The following LRP11 variants were observed in gnomAD, a reference collection of about 807,000 sequenced individuals.
The protein encoded by LRP11 is low-density lipoprotein receptor-related protein 11.
A neutral mutation model predicts 43.1 loss-of-function variants in LRP11; 25 were observed. The ratio of observed to expected loss-of-function variants is 0.58; its 90% confidence interval spans 0.42 to 0.81. LRP11 has a LOEUF of 0.81. Among genes scored for constraint, LRP11 ranks in the 30% least tolerant of loss-of-function variants. The pLI is 0.00. For synonymous variants in LRP11, 316 were observed against 299.4 expected, an observed-to-expected ratio of 1.06 and a Z score of -0.57; for missense variants, 623 against 665.1, an observed-to-expected ratio of 0.94 and a Z score of 0.70.
At chr6:149,858,244 G>A (rs62439706) in intron 1 of LRP11, among the ~76,000 whole-genome samples, 3,604 of 152,146 alleles carry the variant, frequency 0.024, 59 homozygotes, top group Non-Finnish European at 0.026. Flanking sequence ...GTTCTCCTCC[G>A]TGTCCGTGTG....
chr6:149,836,320 T>C lies in LRP11; in HGVS notation c.1040-23A>G, dbSNP rs544377294. 1.2e-5 allele frequency: 19 copies of C among 1,597,872 alleles called. No individual in the cohort carries two copies. The African/African-American group carries it at 2.3e-4, about 19-fold the overall frequency. On this transcript the variant is annotated intron_variant, in intron 4 of 6. Transcript: ENST00000239367. ...CCACTGAAGTGTGGAAGAGCTACTG[T>C]TAGTTGCTGGATTTCTTTTCTGAGC... is the stretch of plus-strand genomic sequence containing the variant.
intron 1 of LRP11, among the ~76,000 whole-genome samples, chr6:149,857,398 C>T (rs1264746560): frequency 6.6e-6 from 1 of 151,644 alleles, no homozygotes; most frequent in Non-Finnish European, 1.5e-5. Flanking sequence ...ATGTGTGGCA[C>T]ATGCCTATAG....
chr6:149,848,797 C>A (rs985560185), intron 2 of LRP11, among the ~76,000 whole-genome samples: 1 of 152,064 alleles, frequency 6.6e-6, no homozygotes, highest in Non-Finnish European at 1.5e-5. Context: ...GCTTAATACC[C>A]AGGTGAGGAT....
chr6:149,836,414 C>A, intron 4 of LRP11, 117 bp from the exon 5 acceptor site: 1 of 791,934 alleles, frequency 1.3e-6, no homozygotes, highest in Non-Finnish European at 2.0e-6. Context: ...ACAGCCCACT[C>A]ATCTAAGACA....
At chr6:149,853,867 TTTTC>T (rs1294331436) in intron 1 of LRP11, among the ~76,000 whole-genome samples, 1 of 152,146 alleles carries the variant, frequency 6.6e-6, no homozygotes, top group Non-Finnish European at 1.5e-5. Flanking sequence ...CTAATATGGA[TTTTC>T]TTTTTTTCTT....
intron 1 of LRP11, among the ~76,000 whole-genome samples, chr6:149,854,659 C>T (rs914465755): frequency 1.3e-5 from 2 of 152,230 alleles, no homozygotes; most frequent in Admixed American, 6.5e-5. Context: ...GTACCACGCC[C>T]TCTTTGGCAT....
chr6:149,832,488 G>A (rs1397954115), intron 5 of LRP11, among the ~76,000 whole-genome samples: 3 of 151,852 alleles, frequency 2.0e-5, no homozygotes, highest in South Asian at 2.1e-4. Context: ...GCGCCCAGCC[G>A]AGCTAAGTCT....
At chr6:149,858,839 C>T (rs1027672371) in intron 1 of LRP11, among the ~76,000 whole-genome samples, 2 of 152,142 alleles carry the variant, frequency 1.3e-5, no homozygotes, top group African/African-American at 4.8e-5. Context: ...CCATAATAAA[C>T]ATGTTTTGCT....
intron 5 of LRP11, among the ~76,000 whole-genome samples, chr6:149,833,351 G>A (rs1776433573): frequency 6.6e-6 from 1 of 152,182 alleles, no homozygotes; most frequent in South Asian, 2.1e-4. Context: ...GACAGCTACT[G>A]TCTGAACAGA....
intron 1 of LRP11, among the ~76,000 whole-genome samples, chr6:149,858,017 C>T (rs554234483): frequency 1.5e-3 from 233 of 152,164 alleles, no homozygotes; most frequent in African/African-American, 4.6e-3. Context: ...ATCACACAGG[C>T]GATAAATTTG....
chr6:149,859,396 A>ATATATATATATTTTTTTTT, intron 1 of LRP11, among the ~76,000 whole-genome samples: 4 of 71,496 alleles, frequency 5.6e-5, no homozygotes, highest in African/African-American at 3.3e-4. Context: ...ATATATATAT[A>ATATATATATATTTTTTTTT]TTTTTTTTTT....
chr6:149,856,508 A>G (rs1341129512), intron 1 of LRP11, among the ~76,000 whole-genome samples: 1 of 152,224 alleles, frequency 6.6e-6, no homozygotes, highest in African/African-American at 2.4e-5. Context: ...ACAAATAACA[A>G]CACGAAGAGG....
intron 2 of LRP11, among the ~76,000 whole-genome samples, chr6:149,846,701 G>T (rs1776637242): frequency 6.6e-6 from 1 of 152,158 alleles, no homozygotes; most frequent in Admixed American, 6.6e-5. Flanking sequence ...ACTTTGGGAG[G>T]CTGAGGTGGG....
rs1419796495 is a variant in LRP11 at position 149,863,599 on chromosome 6, G to A, written c.422C>T (p.Ser141Phe). The change falls in exon 1 of 7, where the codon TCC (serine) becomes TTC (phenylalanine). Residue 141 changes from serine to phenylalanine, a missense_variant. Ser to Phe is a radical substitution (Grantham distance 155). Coordinates refer to ENST00000239367, the MANE Select transcript of LRP11 (RefSeq NM_032832.6). ...VAACCSEPRC[S>F]VAVVELPRRP... The stretch of plus-strand genomic sequence containing the variant: ...CCGGGGCAGCTCCACCACGGCCACG[G>A]AGCAGCGCGGCTCGGAGCAGCAGGC... 7.6e-6 allele frequency: 11 copies of A among 1,450,982 alleles called. No homozygotes were observed. The highest frequency in any genetic ancestry group is 9.9e-6 in the Non-Finnish European group (11 of 1,108,522). The allele number at this position is 1,450,982 out of a possible 1,614,324, so 89.9% of individuals were successfully genotyped here.
At chr6:149,823,171 G>C (rs924509736) in intron 6 of LRP11, among the ~76,000 whole-genome samples, 4 of 152,184 alleles carry the variant, frequency 2.6e-5, no homozygotes, top group Non-Finnish European at 5.9e-5. Flanking sequence ...CGTCCAAGAA[G>C]AAAGTCCTCA....
At chr6:149,830,007 C>CTTTTT (rs59467230) in intron 5 of LRP11, among the ~76,000 whole-genome samples, 4 of 127,454 alleles carry the variant, frequency 3.1e-5, no homozygotes, top group Non-Finnish European at 6.6e-5. Flanking sequence ...TTATTATCCT[C>CTTTTT]TTTTTTTTTT....
chr6:149,838,481 C>A (rs187995159), intron 3 of LRP11, among the ~76,000 whole-genome samples: 4 of 151,302 alleles, frequency 2.6e-5, no homozygotes, highest in Non-Finnish European at 4.4e-5. Context: ...GTCAGGAGAT[C>A]GAGACCATCC....
intron 2 of LRP11, among the ~76,000 whole-genome samples, chr6:149,850,637 C>T (rs903792034): frequency 1.3e-5 from 2 of 152,142 alleles, no homozygotes; most frequent in Admixed American, 6.5e-5. Flanking sequence ...ACTAATAGAT[C>T]GGTTAGTATC....
intron 6 of LRP11, chr6:149,825,997 C>A: frequency 2.3e-6 from 1 of 430,656 alleles, no homozygotes; most frequent in African/African-American, 2.0e-5. Context: ...CTTGTGTTCT[C>A]CCACCATGCC....
Sources: allele counts gnomAD v4.1 joint callset (sites outside exome capture counted in the v4.1 genomes callset), GRCh38; gene constraint gnomAD v4.1.1; transcripts MANE v1.5; gene names NCBI Gene and HGNC (gene_info 2026-07-23, HGNC 2026-07-21).